The following SLC2A10 variants were observed in gnomAD, a reference collection of about 807,000 sequenced individuals.
SLC2A10 encodes the protein solute carrier family 2 member 10.
SLC2A10 carries 25 observed loss-of-function variants against 32.1 expected under a neutral mutation model. The ratio of observed to expected loss-of-function variants is 0.78; its 90% CI spans 0.57 to 1.09. The LOEUF is 1.09. Ranked by LOEUF, SLC2A10 falls within the 50% of genes least tolerant of loss-of-function variation. The probability of loss-of-function intolerance (pLI) is 0.00; values close to 1 mark genes in which losing one functional copy is unlikely to be tolerated. For missense variants in SLC2A10, 673 were observed against 686.5 expected (o/e 0.98, Z 0.22); for synonymous variants, 332 against 309.6 (o/e 1.07, Z -0.76).
In SLC2A10 at chr20:46,733,302, C is replaced by T. The variant is rs541116372; in HGVS notation, c.1548-454C>T. Among the ~76,000 whole-genome samples the T allele has an allele frequency of 5.3e-5, 8 of 152,150 alleles. No homozygotes were observed. In the South Asian group the frequency reaches 1.7e-3, roughly 32 times the overall value. On this transcript the variant is annotated intron_variant, in intron 4 of 4. Coordinates refer to ENST00000359271, the MANE Select transcript of SLC2A10 (RefSeq NM_030777.4). The stretch of plus-strand genomic sequence containing the variant: ...GGTGGTGCTGCACACTTTTAAATCA[C>T]CAGATTTCATGAGAACGAACTCACC...
intron 1 of SLC2A10, among the ~76,000 whole-genome samples, chr20:46,711,240 A>G (rs1385456460): frequency 6.6e-6 from 1 of 152,226 alleles, no homozygotes; most frequent in Non-Finnish European, 1.5e-5. Flanking sequence ...GTAGGTAAGC[A>G]TAGAAGGTAG....
chr20:46,724,664 TGGA>T (rs1372131953), intron 1 of SLC2A10, among the ~76,000 whole-genome samples: 5 of 150,358 alleles, frequency 3.3e-5, no homozygotes, highest in African/African-American at 1.2e-4. Context: ...GATGGATGGA[TGGA>T]TGGATGGTTG....
intron 1 of SLC2A10, among the ~76,000 whole-genome samples, chr20:46,714,058 G>A (rs1347319473): frequency 1.3e-5 from 2 of 152,242 alleles, no homozygotes; most frequent in East Asian, 3.9e-4. Flanking sequence ...AAAATGACAG[G>A]CCAACCTTCA....
chr20:46,713,450 CAG>C (rs1388132483), intron 1 of SLC2A10, among the ~76,000 whole-genome samples: 1 of 151,720 alleles, frequency 6.6e-6, no homozygotes, highest in African/African-American at 2.4e-5. Context: ...ACTTCCCAGG[CAG>C]AGAGGCTGGC....
chr20:46,712,981 C>T lies in SLC2A10; in HGVS notation c.4+3241C>T, dbSNP rs138423590. 1.8e-3 allele frequency among the ~76,000 whole-genome samples: 271 copies of T among 152,224 alleles called. 3 individuals are homozygous for T. Among genetic ancestry groups the T allele is most frequent in the African/African-American group, 6.2e-3 (258 of 41,546 alleles). ...AAGACATCTTAATTTGAGGACGAGG[C>T]TTTGCTCTGCTTCCTGTCCATGGCC... On this transcript the variant is annotated intron_variant, in intron 1 of 4. Transcript: ENST00000359271.
chr20:46,721,036 A>G (rs2123028345), intron 1 of SLC2A10, among the ~76,000 whole-genome samples: 1 of 152,262 alleles, frequency 6.6e-6, no homozygotes, highest in South Asian at 2.1e-4. Flanking sequence ...CTCTCCACAC[A>G]GTTTTTCCAT....
At position 46,734,992 on chromosome 20, in the gene SLC2A10, G is replaced by A. The variant is rs181016330; in HGVS notation, c.*1158G>A. 5 of 152,768 alleles carry A rather than the reference G, an allele frequency of 3.3e-5. No homozygotes were observed. The highest frequency in any genetic ancestry group is 3.3e-4 in the Admixed American group (5 of 15,306). The allele number at this position is 152,768 out of a possible 1,614,324, so 9.5% of individuals were successfully genotyped here. A position where few individuals can be genotyped will look rare whatever the true frequency, so the allele number is the denominator to read the frequency against. ...TGTCCCAGGGGTATATTTAGACCCT[G>A]TTTCCTTTCAGGAGGGTCCCCAGCT... On this transcript the variant is annotated 3_prime_UTR_variant, in exon 5 of 5. Coordinates refer to ENST00000359271, the MANE Select transcript of SLC2A10 (RefSeq NM_030777.4).
At chr20:46,713,795 T>C (rs1034496730) in intron 1 of SLC2A10, among the ~76,000 whole-genome samples, 29 of 152,300 alleles carry the variant, frequency 1.9e-4, no homozygotes, top group Admixed American at 6.5e-4. Context: ...TTCACTGGGT[T>C]CCTCTTGGGT....
At chr20:46,727,684 A>T (rs1980052641) in intron 3 of SLC2A10, among the ~76,000 whole-genome samples, 1 of 151,946 alleles carries the variant, frequency 6.6e-6, no homozygotes, top group South Asian at 2.1e-4. Context: ...ACCCATTCTG[A>T]GGTGTGGTGG....
chr20:46,709,507 C>T (rs889173038), upstream of SLC2A10: 184 of 473,238 alleles, frequency 3.9e-4, no homozygotes, highest in Non-Finnish European at 6.0e-4. Context: ...CTTGCCAGGC[C>T]TGGGGCGGCC....
rs1980436368 is a variant in SLC2A10 at position 46,733,939 on chromosome 20, G to A, written c.*105G>A. On this transcript the variant is annotated 3_prime_UTR_variant, in exon 5 of 5. Transcript: ENST00000359271. Reference sequence around the variant, plus strand: ...ACAAGTTCCAGCTGGTCTTTTGGGAGTGGCCCCTGCCCCCAAAGGTGGTCT... The same window carrying A: ...ACAAGTTCCAGCTGGTCTTTTGGGAATGGCCCCTGCCCCCAAAGGTGGTCT... The A allele has an allele frequency of 2.3e-5, 25 of 1,103,552 alleles. No individual in the cohort carries two copies. The highest frequency in any genetic ancestry group is 2.0e-4 in the East Asian group (8 of 39,478). 68.4% of individuals were successfully genotyped at this position (1,103,552 alleles called of 1,614,324 possible).
intron 1 of SLC2A10, chr20:46,710,141 G>A: frequency 2.3e-6 from 1 of 432,270 alleles, no homozygotes; most frequent in Non-Finnish European, 4.0e-6. Flanking sequence ...CGCTGTTGTG[G>A]GCCTGGGGAC....
rs754175893 is a variant in SLC2A10, at chr20:46,726,264, T to TGGACCGCACTGCTGTGCC, written c.1229_1246dup (p.Cys415_Leu416insArgThrAlaLeuLeuCys). The TGGACCGCACTGCTGTGCC allele has an allele frequency of 1.2e-6, 2 of 1,613,202 alleles. No individual in the cohort carries two copies. The highest frequency in any genetic ancestry group is 1.1e-5 in the South Asian group (1 of 91,092). ...CGCTCGGGGGCATGCACTGCTGCGCTGGACCGCACTGCTGTGCCTGATGGT... is the reference window on the plus strand; with the variant it reads ...CGCTCGGGGGCATGCACTGCTGCGCTGGACCGCACTGCTGTGCCGGACCGCACTGCTGTGCCTGATGGT... On this transcript the variant is annotated inframe_insertion, in exon 2 of 5. Coordinates refer to ENST00000359271, the MANE Select transcript of SLC2A10 (RefSeq NM_030777.4).
intron 1 of SLC2A10, among the ~76,000 whole-genome samples, chr20:46,712,843 T>A (rs1275703427): frequency 6.6e-6 from 1 of 151,910 alleles, no homozygotes; most frequent in African/African-American, 2.4e-5. Flanking sequence ...TTGGTAGAGA[T>A]GGGGTTTCAC....
chr20:46,712,174 G>A (rs1007759673), intron 1 of SLC2A10, among the ~76,000 whole-genome samples: 3 of 152,214 alleles, frequency 2.0e-5, no homozygotes, highest in Non-Finnish European at 1.5e-5. Context: ...GGTACTCCAA[G>A]TATCAGCTGT....
At chr20:46,722,055 A>G (rs889921343) in intron 1 of SLC2A10, among the ~76,000 whole-genome samples, 1 of 152,222 alleles carries the variant, frequency 6.6e-6, no homozygotes, top group Non-Finnish European at 1.5e-5. Flanking sequence ...GACTCAAAGA[A>G]TATTTTTATA....
chr20:46,713,626 G>A (rs750270247), intron 1 of SLC2A10, among the ~76,000 whole-genome samples: 1 of 152,214 alleles, frequency 6.6e-6, no homozygotes, highest in Non-Finnish European at 1.5e-5. Flanking sequence ...AGGGCTCCTA[G>A]TGGAAGAGTG....
chr20:46,733,946 C>A lies in SLC2A10; in HGVS notation c.*112C>A. ...CCAGCTGGTCTTTTGGGAGTGGCCC[C>A]TGCCCCCAAAGGTGGTCTGCTTTTG... On this transcript the variant is annotated 3_prime_UTR_variant, in exon 5 of 5. Coordinates refer to ENST00000359271, the MANE Select transcript of SLC2A10 (RefSeq NM_030777.4). The A allele has an allele frequency of 9.8e-7, 1 of 1,020,976 alleles. No homozygotes were observed. The allele number at this position is 1,020,976 out of a possible 1,614,324, so 63.2% of individuals were successfully genotyped here. A position where few individuals can be genotyped will look rare whatever the true frequency, so the allele number is the denominator to read the frequency against.
chr20:46,713,119 T>A (rs756382087), intron 1 of SLC2A10, among the ~76,000 whole-genome samples: 2 of 152,202 alleles, frequency 1.3e-5, no homozygotes, highest in Non-Finnish European at 2.9e-5. Context: ...ATCATTCATT[T>A]GTTTAACAAA....
Sources: gnomAD v4.1 joint callset for allele counts (sites outside exome capture counted in the v4.1 genomes callset) on GRCh38, gnomAD v4.1.1 for gene constraint, MANE v1.5 for transcripts, NCBI Gene and HGNC (gene_info 2026-07-23, HGNC 2026-07-21) for gene names.